XYLT1: variants seen among roughly 807,000 people sequenced by gnomAD.
XYLT1 encodes beta-D-xylosyltransferase 1.
XYLT1 carries 36 observed loss-of-function variants against 91.3 expected under a neutral mutation model. That is an observed-to-expected ratio of 0.39 (90% confidence interval 0.30 to 0.52). The LOEUF (loss-of-function observed/expected upper bound fraction) is 0.52. Ranked by LOEUF, XYLT1 falls within the 20% of genes least tolerant of loss-of-function variation. The pLI is 0.68. For synonymous variants in XYLT1, 588 were observed against 532.0 expected, an observed-to-expected ratio of 1.11 and a Z score of -1.45; for missense variants, 1,242 against 1,284.5, an observed-to-expected ratio of 0.97 and a Z score of 0.51.
intron 1 of XYLT1, among the ~76,000 whole-genome samples, chr16:17,398,908 G>C (rs1406946364): frequency 6.8e-6 from 1 of 146,870 alleles, no homozygotes; most frequent in African/African-American, 2.5e-5. Context: ...GCAGTGGCTC[G>C]ATCTCGGCTC....
intron 11 of XYLT1, among the ~76,000 whole-genome samples, chr16:17,110,913 G>A (rs528723528): frequency 2.0e-4 from 30 of 152,220 alleles, no homozygotes; most frequent in African/African-American, 7.2e-4. Context: ...TAATCCTAGC[G>A]CTTTGTGAGG....
intron 1 of XYLT1, among the ~76,000 whole-genome samples, chr16:17,455,013 G>A (rs891469870): frequency 1.4e-5 from 2 of 148,076 alleles, no homozygotes; most frequent in African/African-American, 5.0e-5. Flanking sequence ...GCTGGGGTTC[G>A]CCAACCCTGG....
At chr16:17,429,555 T>G (rs2036364151) in intron 1 of XYLT1, among the ~76,000 whole-genome samples, 2 of 152,214 alleles carry the variant, frequency 1.3e-5, no homozygotes, top group South Asian at 4.1e-4. Context: ...TTAACTTGAT[T>G]GGGCCACGGG....
intron 2 of XYLT1, among the ~76,000 whole-genome samples, chr16:17,334,153 C>G (rs1294290841): frequency 6.6e-6 from 1 of 152,226 alleles, no homozygotes; most frequent in Non-Finnish European, 1.5e-5. Flanking sequence ...GCACCTTGAT[C>G]TTGGACTTCC....
chr16:17,155,961 T>C (rs1420307522), intron 6 of XYLT1, among the ~76,000 whole-genome samples: 2 of 152,220 alleles, frequency 1.3e-5, no homozygotes, highest in Non-Finnish European at 2.9e-5. Context: ...CCAGCAACAA[T>C]TTAGTTCTAT....
At chr16:17,120,230 C>T (rs2030000297) in intron 10 of XYLT1, among the ~76,000 whole-genome samples, 1 of 152,186 alleles carries the variant, frequency 6.6e-6, no homozygotes, top group Non-Finnish European at 1.5e-5. Context: ...TCAGTTCAAG[C>T]TTCAAGGTCT....
rs780618420 is a variant in XYLT1, at chr16:17,198,241, G to T, written c.1260C>A (p.Ile420=). 3.1e-6 allele frequency: 5 copies of T among 1,614,088 alleles called. No individual in the cohort carries two copies. The African/African-American group carries it at 6.7e-5, about 22-fold the overall frequency. The part of the protein sequence containing the change: ...EMTDWPWDFF[I]NLSAADYPIR... ...TGGGGTAGTCGGCCGCACTCAGGTT[G>T]ATGAAGAAGTCCCAGGGCCAGTCGG... Residue 420 remains isoleucine, a synonymous_variant, in exon 5 of 12, where the codon ATC becomes ATA. Coordinates refer to ENST00000261381, the MANE Select transcript of XYLT1 (RefSeq NM_022166.4).
At chr16:17,260,588 C>T (rs1390823720) in intron 2 of XYLT1, among the ~76,000 whole-genome samples, 1 of 152,146 alleles carries the variant, frequency 6.6e-6, no homozygotes, top group Non-Finnish European at 1.5e-5. Flanking sequence ...GCCTGAACAG[C>T]GGATCTGCAG....
In XYLT1 at chr16:17,369,052, T is replaced by A. The variant is rs547727426; in HGVS notation, c.364-11002A>T. Among the ~76,000 whole-genome samples, 92 of 143,210 alleles carry A rather than the reference T, an allele frequency of 6.4e-4. 2 individuals carry two copies. In the South Asian group the frequency reaches 0.013, roughly 21 times the overall value. The allele number at this position is 143,210 out of a possible 152,430, so 94.0% of individuals were successfully genotyped here. A position where few individuals can be genotyped will look rare whatever the true frequency, so the allele number is the denominator to read the frequency against. On this transcript the variant is annotated intron_variant, in intron 1 of 11. Coordinates refer to ENST00000261381, the MANE Select transcript of XYLT1 (RefSeq NM_022166.4). ...TAACCTTAATATCTTCAGAGAGGTT[T>A]AAAAAAAAAAAGAAAAAAAGGTAAC... is the stretch of plus-strand genomic sequence containing the variant.
intron 1 of XYLT1, among the ~76,000 whole-genome samples, chr16:17,465,016 C>T (rs1464452276): frequency 6.6e-6 from 1 of 151,360 alleles, no homozygotes; most frequent in African/African-American, 2.4e-5. Context: ...TGGTGGTGCA[C>T]GCCTGTAATC....
At chr16:17,295,585 A>G (rs1251167262) in intron 2 of XYLT1, among the ~76,000 whole-genome samples, 1 of 152,106 alleles carries the variant, frequency 6.6e-6, no homozygotes, top group Non-Finnish European at 1.5e-5. Flanking sequence ...CGAACTCCTG[A>G]CCTCAGGTGA....
intron 1 of XYLT1, among the ~76,000 whole-genome samples, chr16:17,377,466 G>C (rs1032083601): frequency 1.3e-5 from 2 of 152,158 alleles, no homozygotes; most frequent in East Asian, 1.9e-4. Flanking sequence ...TTGTTTGGCG[G>C]GACAGCCAGC....
At chr16:17,192,045 G>A (rs1224501983) in intron 5 of XYLT1, among the ~76,000 whole-genome samples, 2 of 150,948 alleles carry the variant, frequency 1.3e-5, no homozygotes, top group Non-Finnish European at 1.5e-5. Context: ...CCAAGACACC[G>A]GACTTAGGAA....
At chr16:17,446,455 A>T (rs1192913746) in intron 1 of XYLT1, 1 of 152,188 alleles carries the variant, frequency 6.6e-6, no homozygotes, top group Non-Finnish European at 1.5e-5. Flanking sequence ...TGACTGCTCC[A>T]AGCTCATCCA....
rs141535853 is a variant in XYLT1 at position 17,388,628 on chromosome 16, C to T, written c.364-30578G>A. On this transcript the variant is annotated intron_variant, in intron 1 of 11. Transcript: ENST00000261381. ...GAAACATCATTGGAAAGGATTATTGCGAAGGGCAGAAAGGAAAAATCACAC... is the reference window on the plus strand; with the variant it reads ...GAAACATCATTGGAAAGGATTATTGTGAAGGGCAGAAAGGAAAAATCACAC... Among the ~76,000 whole-genome samples, 188 of 152,176 alleles carry T rather than the reference C, an allele frequency of 1.2e-3. 1 individual carries two copies. The highest frequency in any genetic ancestry group is 6.8e-3 in the Middle Eastern group (2 of 294).
chr16:17,117,548 TTACCCTATGTCTGAGCAGTGCTGCC>T, intron 11 of XYLT1, 73 bp downstream of exon 11: 3 of 1,330,658 alleles, frequency 2.3e-6, no homozygotes, highest in Non-Finnish European at 3.1e-6. Context: ...AGGCCGCTGC[TTACCCTATGTCTGAGCAGTGCTGCC>T]TACCAACACC....
intron 1 of XYLT1, among the ~76,000 whole-genome samples, chr16:17,400,617 GAGGGAGGAAGGGAGGA>G (rs1403407991): frequency 1.4e-3 from 174 of 122,076 alleles, no homozygotes; most frequent in Middle Eastern, 7.4e-3. Context: ...GGGAGGGAGG[GAGGGAGGAAGGGAGGA>G]AGGAAGGAAG....
At chr16:17,187,342 C>T (rs141295353) in intron 5 of XYLT1, among the ~76,000 whole-genome samples, 29 of 140,244 alleles carry the variant, frequency 2.1e-4, no homozygotes, top group Non-Finnish European at 3.2e-4. Flanking sequence ...TGCAATGAGC[C>T]GAGATCACGC....
intron 8 of XYLT1, chr16:17,137,607 G>A (rs1489039387): frequency 1.3e-5 from 2 of 151,062 alleles, no homozygotes; most frequent in African/African-American, 2.5e-5. Flanking sequence ...GCACTCTCAG[G>A]GCTCATGGTA....
Sources: allele counts gnomAD v4.1 joint callset (sites outside exome capture counted in the v4.1 genomes callset), GRCh38; gene constraint gnomAD v4.1.1; transcripts MANE v1.5; gene names NCBI Gene and HGNC (gene_info 2026-07-23, HGNC 2026-07-21).